NLGN1: variants seen among roughly 807,000 people sequenced by gnomAD.
NLGN1 encodes the protein neuroligin 1.
A neutral mutation model predicts 65.5 loss-of-function variants in NLGN1; 12 were observed. That is an observed-to-expected ratio of 0.18 (90% CI 0.12 to 0.30). The LOEUF is 0.30. NLGN1 is among the 10% of genes least tolerant of loss of function. The pLI is 1.00. For synonymous variants in NLGN1, 350 were observed against 359.5 expected (o/e 0.97, Z 0.30); for missense variants, 750 against 1,007.1 (o/e 0.74, Z 3.46).
intron 4 of NLGN1, among the ~76,000 whole-genome samples, chr3:173,985,216 A>G (rs1252316392): frequency 6.6e-6 from 1 of 152,226 alleles, no homozygotes. Context: ...ATTCACTGCT[A>G]TATTTGTGAA....
chr3:173,615,594 A>C (rs1239876652), intron 3 of NLGN1, among the ~76,000 whole-genome samples: 2 of 152,176 alleles, frequency 1.3e-5, no homozygotes, highest in African/African-American at 4.8e-5. Context: ...ATTTAATTAA[A>C]TCTTTAAACT....
intron 3 of NLGN1, among the ~76,000 whole-genome samples, chr3:173,769,380 T>C (rs1217762592): frequency 6.6e-6 from 1 of 152,180 alleles, no homozygotes; most frequent in Non-Finnish European, 1.5e-5. Context: ...CTTGGCCTTC[T>C]GTTCTACACT....
At chr3:174,147,706 G>A (rs908411247) in intron 4 of NLGN1, among the ~76,000 whole-genome samples, 1 of 151,936 alleles carries the variant, frequency 6.6e-6, no homozygotes, top group Non-Finnish European at 1.5e-5. Flanking sequence ...ATTGCTCACT[G>A]GATCTGGCCG....
chr3:173,981,762 A>T (rs927706773), intron 4 of NLGN1, among the ~76,000 whole-genome samples: 4 of 152,118 alleles, frequency 2.6e-5, no homozygotes, highest in Non-Finnish European at 5.9e-5. Context: ...TTTCTTACAT[A>T]TAATCATATT....
intron 4 of NLGN1, among the ~76,000 whole-genome samples, chr3:174,045,253 G>C (rs1365169670): frequency 6.6e-6 from 1 of 152,182 alleles, no homozygotes; most frequent in Non-Finnish European, 1.5e-5. Context: ...TTGACTCACA[G>C]TTCCACAGGG....
At chr3:174,115,276 G>A (rs1213950394) in intron 4 of NLGN1, among the ~76,000 whole-genome samples, 2 of 152,118 alleles carry the variant, frequency 1.3e-5, no homozygotes, top group Non-Finnish European at 2.9e-5. Context: ...ATTTTCCAAT[G>A]AGATTAAATG....
intron 4 of NLGN1, among the ~76,000 whole-genome samples, chr3:173,987,900 A>G (rs1461576634): frequency 6.6e-6 from 1 of 152,288 alleles, no homozygotes; most frequent in East Asian, 1.9e-4. Context: ...TTTACTGTCA[A>G]ATATTCCAAA....
intron 4 of NLGN1, among the ~76,000 whole-genome samples, chr3:174,016,548 C>T (rs963829880): frequency 6.6e-6 from 1 of 152,068 alleles, no homozygotes; most frequent in Non-Finnish European, 1.5e-5. Context: ...GGGAGTAACA[C>T]CCTCAATGTA....
intron 4 of NLGN1, among the ~76,000 whole-genome samples, chr3:173,861,888 A>G (rs1729177732): frequency 6.6e-6 from 1 of 151,224 alleles, no homozygotes; most frequent in Non-Finnish European, 1.5e-5. Context: ...CCTCCCGAGT[A>G]GCTGGGATTA....
At chr3:174,212,025 G>A (rs577366703) in intron 4 of NLGN1, among the ~76,000 whole-genome samples, 1 of 152,280 alleles carries the variant, frequency 6.6e-6, no homozygotes, top group East Asian at 1.9e-4. Context: ...AGCAGGGGGT[G>A]GTGTTCGCCC....
intron 4 of NLGN1, among the ~76,000 whole-genome samples, chr3:173,980,104 G>A (rs1427364874): frequency 6.6e-6 from 1 of 151,972 alleles, no homozygotes; most frequent in African/African-American, 2.4e-5. Flanking sequence ...ACACTGGGTT[G>A]TACCAGCCAC....
At chr3:174,092,990 T>A (rs1324212600) in intron 4 of NLGN1, among the ~76,000 whole-genome samples, 1 of 152,204 alleles carries the variant, frequency 6.6e-6, no homozygotes, top group African/African-American at 2.4e-5. Context: ...TAGCTCATTG[T>A]CATTCCCTTG....
intron 4 of NLGN1, among the ~76,000 whole-genome samples, chr3:174,086,546 G>T (rs1267351321): frequency 1.3e-5 from 2 of 151,248 alleles, no homozygotes; most frequent in Non-Finnish European, 3.0e-5. Context: ...GTTCAGAAAA[G>T]AATACGAGTT....
At chr3:173,598,297 T>A (rs188199525) in intron 2 of NLGN1, among the ~76,000 whole-genome samples, 10 of 152,328 alleles carry the variant, frequency 6.6e-5, no homozygotes, top group African/African-American at 1.4e-4. Flanking sequence ...CTGTAAGTGC[T>A]ATATGCATCA....
chr3:173,425,344 A>G (rs1046919540), intron 1 of NLGN1, among the ~76,000 whole-genome samples: 1 of 141,966 alleles, frequency 7.0e-6, no homozygotes, highest in Non-Finnish European at 1.5e-5. Context: ...TTTCTTTGCT[A>G]TGCAGAGGCT....
At chr3:174,158,400 T>C (rs1286876071) in intron 4 of NLGN1, among the ~76,000 whole-genome samples, 1 of 151,754 alleles carries the variant, frequency 6.6e-6, no homozygotes, top group East Asian at 1.9e-4. Context: ...CAAAAGTTTA[T>C]AAATCTGGGT....
At chr3:173,682,839 A>G (rs546179928) in intron 3 of NLGN1, among the ~76,000 whole-genome samples, 13 of 152,290 alleles carry the variant, frequency 8.5e-5, no homozygotes, top group South Asian at 4.1e-4. Context: ...TCAATGAATT[A>G]TATACTAGCA....
chr3:173,713,922 A>G (rs1364092508), intron 3 of NLGN1, among the ~76,000 whole-genome samples: 1 of 152,092 alleles, frequency 6.6e-6, no homozygotes. Context: ...ATTGCTAAAG[A>G]GTTATGCTTT....
At chr3:174,228,494 G>A (rs1197116374) in intron 4 of NLGN1, among the ~76,000 whole-genome samples, 1 of 152,078 alleles carries the variant, frequency 6.6e-6, no homozygotes, top group South Asian at 2.1e-4. Context: ...ACAGACATCA[G>A]TGTATTTTCT....
Sources: gnomAD v4.1 joint callset for allele counts (sites outside exome capture counted in the v4.1 genomes callset) on GRCh38, gnomAD v4.1.1 for gene constraint, MANE v1.5 for transcripts, NCBI Gene and HGNC (gene_info 2026-07-23, HGNC 2026-07-21) for gene names.